Variants in PXDNL observed in about 807,000 individuals in gnomAD.
The protein encoded by PXDNL is peroxidasin like.
A neutral mutation model predicts 150.8 loss-of-function variants in PXDNL; 145 were observed. That is an observed-to-expected ratio of 0.96 (90% CI 0.84 to 1.10). The LOEUF is 1.10. PXDNL is among the 50% of genes least tolerant of loss of function. The pLI, the probability that PXDNL is intolerant of heterozygous loss-of-function variation, is 0.00. For missense variants in PXDNL, 2,087 were observed against 1,873.9 expected (o/e 1.11, Z -2.10); for synonymous variants, 757 against 725.7 (o/e 1.04, Z -0.69).
At chr8:51,627,945 G>A (rs1814397601) in intron 2 of PXDNL, among the ~76,000 whole-genome samples, 1 of 152,088 alleles carries the variant, frequency 6.6e-6, no homozygotes, top group East Asian at 1.9e-4. Flanking sequence ...AATTCACTCA[G>A]GGAAGAAAAG....
chr8:51,579,188 A>C (rs576337095), intron 3 of PXDNL, among the ~76,000 whole-genome samples: 4 of 152,166 alleles, frequency 2.6e-5, no homozygotes, highest in Admixed American at 1.3e-4. Flanking sequence ...ACTGGAAGAA[A>C]ATATTTGAAA....
intron 17 of PXDNL, among the ~76,000 whole-genome samples, chr8:51,399,887 A>G (rs1808196372): frequency 6.6e-6 from 1 of 152,236 alleles, no homozygotes; most frequent in Admixed American, 6.5e-5. Flanking sequence ...AATATTTGCT[A>G]TGATTTTGTA....
chr8:51,490,668 A>G (rs1810869517), intron 5 of PXDNL, among the ~76,000 whole-genome samples: 1 of 150,016 alleles, frequency 6.7e-6, no homozygotes, highest in Non-Finnish European at 1.5e-5. Context: ...ACATATATAC[A>G]TATATATACA....
intron 2 of PXDNL, among the ~76,000 whole-genome samples, chr8:51,635,562 G>C (rs1350316965): frequency 6.6e-6 from 1 of 151,792 alleles, no homozygotes; most frequent in African/African-American, 2.4e-5. Flanking sequence ...TAAAATATGA[G>C]AGTACTATTA....
chr8:51,633,053 C>G (rs2130759230), intron 2 of PXDNL, among the ~76,000 whole-genome samples: 1 of 152,234 alleles, frequency 6.6e-6, no homozygotes, highest in Middle Eastern at 3.4e-3. Flanking sequence ...CCTTCCCTCT[C>G]TCACCATTCT....
chr8:51,418,855 A>G (rs868475706), intron 14 of PXDNL, among the ~76,000 whole-genome samples: 2 of 152,198 alleles, frequency 1.3e-5, no homozygotes, highest in African/African-American at 4.8e-5. Flanking sequence ...TTGGAAAGTT[A>G]TTTCCAAACC....
At chr8:51,419,078 G>T (rs1270240399) in intron 14 of PXDNL, among the ~76,000 whole-genome samples, 1 of 152,132 alleles carries the variant, frequency 6.6e-6, no homozygotes, top group Non-Finnish European at 1.5e-5. Flanking sequence ...AAGACCAGGG[G>T]TTCAGATTCG....
chr8:51,724,042 G>A (rs1268199964), intron 1 of PXDNL, among the ~76,000 whole-genome samples: 3 of 150,852 alleles, frequency 2.0e-5, no homozygotes, highest in Non-Finnish European at 3.0e-5. Context: ...GAGGCATGGA[G>A]CGGAACAGGC....
intron 1 of PXDNL, among the ~76,000 whole-genome samples, chr8:51,696,401 G>T (rs1816126275): frequency 6.6e-6 from 1 of 152,220 alleles, no homozygotes. Context: ...TTCTCACTAT[G>T]CTGGCACCCT....
At chr8:51,539,936 AC>A (rs1171547217) in intron 4 of PXDNL, among the ~76,000 whole-genome samples, 1 of 138,980 alleles carries the variant, frequency 7.2e-6, no homozygotes, top group Non-Finnish European at 1.5e-5. Context: ...GTTATCTACT[AC>A]CTTTTTTTTT....
intron 14 of PXDNL, among the ~76,000 whole-genome samples, chr8:51,415,340 C>T (rs190334360): frequency 1.3e-5 from 2 of 152,200 alleles, no homozygotes; most frequent in African/African-American, 2.4e-5. Context: ...TACAGTTCCT[C>T]GGGCTGTACA....
intron 17 of PXDNL, among the ~76,000 whole-genome samples, chr8:51,377,105 T>TACACACACACACACACACACACAC (rs772419401): frequency 2.8e-5 from 4 of 140,700 alleles, no homozygotes; most frequent in East Asian, 4.3e-4. Context: ...CTCTACCCTT[T>TACACACACACACACACACACACAC]ACACACACAC....
At chr8:51,426,280 G>T (rs1809095985) in intron 13 of PXDNL, among the ~76,000 whole-genome samples, 1 of 152,080 alleles carries the variant, frequency 6.6e-6, no homozygotes, top group Non-Finnish European at 1.5e-5. Context: ...TTCAGCCAAT[G>T]ACCTACTTTT....
intron 12 of PXDNL, among the ~76,000 whole-genome samples, chr8:51,430,009 C>T (rs1381154106): frequency 6.6e-6 from 1 of 152,122 alleles, no homozygotes; most frequent in African/African-American, 2.4e-5. Flanking sequence ...AGCCTACGTG[C>T]CAGTGATGCT....
At chr8:51,809,077 G>T in intron 1 of PXDNL, 104 bp downstream of exon 1, 2 of 1,196,548 alleles carry the variant, frequency 1.7e-6, no homozygotes, top group Non-Finnish European at 2.4e-6. Context: ...AAGTATACAA[G>T]CAGGGAGAGC....
rs376701043 is a variant in PXDNL at position 51,555,373 on chromosome 8, T to G, written c.380+1467A>C. Among the ~76,000 whole-genome samples the G allele has an allele frequency of 1.2e-4, 18 of 152,306 alleles. No individual in the cohort carries two copies. The East Asian group carries it at 1.3e-3, about 11-fold the overall frequency. ...TCTAATCACCCCTTAAAGTTCCCAC[T>G]TCTTAATGCTGCTACAATGGCAATT... On this transcript the variant is annotated intron_variant, in intron 4 of 22. Transcript: ENST00000356297.
At chr8:51,741,806 T>A (rs1186110093) in intron 1 of PXDNL, among the ~76,000 whole-genome samples, 3 of 152,228 alleles carry the variant, frequency 2.0e-5, no homozygotes, top group Admixed American at 2.0e-4. Context: ...ATGTAAAATA[T>A]CACAATTCTG....
At chr8:51,617,145 A>C (rs1267635249) in intron 2 of PXDNL, among the ~76,000 whole-genome samples, 1 of 152,182 alleles carries the variant, frequency 6.6e-6, no homozygotes, top group Non-Finnish European at 1.5e-5. Context: ...TGAAAAACAC[A>C]ATTCGCCAAT....
At chr8:51,435,832 A>G in intron 12 of PXDNL, 1 of 444,842 alleles carries the variant, frequency 2.2e-6, no homozygotes, top group Non-Finnish European at 4.5e-6. Flanking sequence ...AGAACAAGAC[A>G]TTTTATGCAG....
Sources: allele counts gnomAD v4.1 joint callset (sites outside exome capture counted in the v4.1 genomes callset), GRCh38; gene constraint gnomAD v4.1.1; transcripts MANE v1.5; gene names NCBI Gene and HGNC (gene_info 2026-07-23, HGNC 2026-07-21).